RGS6: variants seen among roughly 807,000 people sequenced by gnomAD.
The protein encoded by RGS6 is regulator of G-protein signaling 6.
A neutral mutation model predicts 78.5 loss-of-function variants in RGS6; 30 were observed. The ratio of observed to expected loss-of-function variants is 0.38; its 90% CI spans 0.29 to 0.52. RGS6 has a LOEUF of 0.52. Among genes scored for constraint, RGS6 ranks in the 20% least tolerant of loss-of-function variants. RGS6 has a pLI of 0.85. For missense variants in RGS6, 495 were observed against 609.7 expected (o/e 0.81, Z 1.98); for synonymous variants, 206 against 206.0 (o/e 1.00, Z 0.00).
chr14:72,321,238 C>T (rs2071916093), intron 2 of RGS6, among the ~76,000 whole-genome samples: 1 of 151,692 alleles, frequency 6.6e-6, no homozygotes, highest in African/African-American at 2.4e-5. Context: ...ATAATACAAA[C>T]CTGCCCAAAT....
chr14:72,096,007 G>A (rs1014050650), intron 2 of RGS6, among the ~76,000 whole-genome samples: 4 of 152,194 alleles, frequency 2.6e-5, no homozygotes, highest in Admixed American at 2.0e-4. Flanking sequence ...AGTGGCTCAC[G>A]CCTGTAATCC....
At chr14:72,480,169 G>A (rs1379351814) in intron 12 of RGS6, among the ~76,000 whole-genome samples, 1 of 152,164 alleles carries the variant, frequency 6.6e-6, no homozygotes, top group Non-Finnish European at 1.5e-5. Flanking sequence ...GGACTGATCT[G>A]GTCTTTCAGG....
chr14:72,413,484 C>T (rs1402826435), intron 3 of RGS6, among the ~76,000 whole-genome samples: 2 of 152,164 alleles, frequency 1.3e-5, no homozygotes, highest in South Asian at 4.1e-4. Flanking sequence ...GATGGGTTTC[C>T]TGAATACAGC....
intron 2 of RGS6, among the ~76,000 whole-genome samples, chr14:72,159,791 C>A (rs891545726): frequency 1.3e-5 from 2 of 152,088 alleles, no homozygotes; most frequent in African/African-American, 4.8e-5. Context: ...ATTGCATCGT[C>A]AAGCATGGAC....
the RGS6 span, among the ~76,000 whole-genome samples, chr14:71,898,959 G>T: frequency 0.83 from 126,348 of 152,148 alleles, 52,664 homozygotes; most frequent in African/African-American, 0.85. Flanking sequence ...AAGCATTAAT[G>T]CTGTGATGAA....
intron 2 of RGS6, among the ~76,000 whole-genome samples, chr14:72,235,684 A>G (rs1417685020): frequency 6.6e-6 from 1 of 152,184 alleles, no homozygotes; most frequent in East Asian, 1.9e-4. Flanking sequence ...CAAACCTAGG[A>G]CTTGACTATA....
intron 2 of RGS6, among the ~76,000 whole-genome samples, chr14:72,345,089 A>G (rs546505561): frequency 6.6e-6 from 1 of 152,254 alleles, no homozygotes; most frequent in Admixed American, 6.5e-5. Context: ...TTGAGCAGTG[A>G]TCTGTTGAGG....
the RGS6 span, among the ~76,000 whole-genome samples, chr14:72,629,900 C>A: frequency 6.6e-6 from 1 of 152,158 alleles, no homozygotes; most frequent in Non-Finnish European, 1.5e-5. Flanking sequence ...ACATTCTTCA[C>A]CACCCAGTTA....
chr14:72,477,874 G>A (rs1441772411), intron 11 of RGS6, among the ~76,000 whole-genome samples: 1 of 152,116 alleles, frequency 6.6e-6, no homozygotes, highest in African/African-American at 2.4e-5. Context: ...GCATGCCAAG[G>A]ACATGGGTGT....
intron 9 of RGS6, among the ~76,000 whole-genome samples, chr14:72,473,528 T>A (rs1217770779): frequency 6.6e-6 from 1 of 152,246 alleles, no homozygotes; most frequent in Non-Finnish European, 1.5e-5. Context: ...GACCTTTGTG[T>A]CCCGAAGGTT....
At chr14:72,213,229 T>C (rs766998920) in intron 2 of RGS6, among the ~76,000 whole-genome samples, 1 of 152,172 alleles carries the variant, frequency 6.6e-6, no homozygotes, top group Non-Finnish European at 1.5e-5. Context: ...CTGGGAGCTA[T>C]GAAATAGACA....
At chr14:71,972,074 T>A (rs537127713) in intron 2 of RGS6, among the ~76,000 whole-genome samples, 73 of 152,278 alleles carry the variant, frequency 4.8e-4, no homozygotes, top group African/African-American at 1.7e-3. Context: ...GTTACATAGG[T>A]ATACATGTGC....
At chr14:72,539,054 G>A (rs1256963840) in intron 16 of RGS6, among the ~76,000 whole-genome samples, 1 of 152,194 alleles carries the variant, frequency 6.6e-6, no homozygotes, top group South Asian at 2.1e-4. Flanking sequence ...ACCCTGGAAC[G>A]GGATCCAGGA....
At chr14:72,128,023 C>T (rs1156689120) in intron 2 of RGS6, among the ~76,000 whole-genome samples, 3 of 152,090 alleles carry the variant, frequency 2.0e-5, no homozygotes, top group South Asian at 4.1e-4. Context: ...TACTGAGTAG[C>T]GTTCTGTGGT....
intron 2 of RGS6, among the ~76,000 whole-genome samples, chr14:72,259,562 A>C (rs565562968): frequency 7.2e-5 from 11 of 152,322 alleles, no homozygotes; most frequent in African/African-American, 2.6e-4. Context: ...ATGTAGAATT[A>C]GAATATTGAA....
chr14:72,571,267 G>T (rs546026958), downstream of RGS6, among the ~76,000 whole-genome samples: 64 of 152,290 alleles, frequency 4.2e-4, no homozygotes, highest in South Asian at 1.5e-3. Flanking sequence ...AAAGACTAGG[G>T]TCCCTGACTC....
At chr14:72,174,559 C>A (rs1390197607) in intron 2 of RGS6, among the ~76,000 whole-genome samples, 1 of 152,180 alleles carries the variant, frequency 6.6e-6, no homozygotes, top group African/African-American at 2.4e-5. Context: ...TCATGTAATT[C>A]ACCTCTTGAG....
Position 72,191,313 on chromosome 14 carries a change from C to T in RGS6, c.85-160782C>T, listed in dbSNP as rs555629465. ...TTGTAAATGAGGTTTCAACTCACACCATGCATGTGACTTGAGAGGCCACTG... is the reference window on the plus strand; with the variant it reads ...TTGTAAATGAGGTTTCAACTCACACTATGCATGTGACTTGAGAGGCCACTG... On this transcript the variant is annotated intron_variant, in intron 2 of 17. Transcript: ENST00000553525. 2.7e-5 allele frequency among the ~76,000 whole-genome samples: 4 copies of T among 148,000 alleles called. No individual in the cohort carries two copies. The East Asian group carries it at 6.0e-4, about 22-fold the overall frequency.
At chr14:72,142,972 C>T (rs1484266090) in intron 2 of RGS6, among the ~76,000 whole-genome samples, 1 of 152,112 alleles carries the variant, frequency 6.6e-6, no homozygotes, top group Non-Finnish European at 1.5e-5. Flanking sequence ...TATAGCAAAG[C>T]TCTTACTGAT....
Sources: gnomAD v4.1 joint callset for allele counts (sites outside exome capture counted in the v4.1 genomes callset) on GRCh38, gnomAD v4.1.1 for gene constraint, MANE v1.5 for transcripts, NCBI Gene and HGNC (gene_info 2026-07-23, HGNC 2026-07-21) for gene names.